Variants in CNOT10 observed in about 807,000 individuals in gnomAD.
The protein encoded by CNOT10 is CCR4-NOT transcription complex, subunit 10.
CNOT10 carries 30 observed loss-of-function variants against 94.6 expected under a neutral mutation model. The observed-to-expected ratio is 0.32, with a 90% CI of 0.24 to 0.43. The LOEUF (loss-of-function observed/expected upper bound fraction) is 0.43, where lower values mean the gene tolerates loss of function less well. CNOT10 is among the 20% of genes least tolerant of loss of function. The pLI is 1.00. For synonymous variants in CNOT10, 289 were observed against 301.6 expected (o/e 0.96, Z 0.43); for missense variants, 759 against 877.2 (o/e 0.87, Z 1.70).
At chr3:32,711,900 C>G (rs563641297) in intron 4 of CNOT10, among the ~76,000 whole-genome samples, 29 of 152,250 alleles carry the variant, frequency 1.9e-4, no homozygotes, top group African/African-American at 5.1e-4. Context: ...GATATATGAC[C>G]TTTGCACACC....
chr3:32,739,654 G>A (rs1699367598), intron 13 of CNOT10, among the ~76,000 whole-genome samples: 1 of 152,142 alleles, frequency 6.6e-6, no homozygotes, highest in Non-Finnish European at 1.5e-5. Flanking sequence ...AGGTGCAGTG[G>A]CTCATGCCTG....
At chr3:32,703,078 ATTTTTT>A (rs67920905) in intron 1 of CNOT10, among the ~76,000 whole-genome samples, 12 of 124,222 alleles carry the variant, frequency 9.7e-5, no homozygotes, top group African/African-American at 2.1e-4. Flanking sequence ...CGCCAAGCTA[ATTTTTT>A]TTTTTTTTTT....
intron 10 of CNOT10, 45 bp downstream of exon 10, chr3:32,727,915 C>A: frequency 7.9e-6 from 10 of 1,273,176 alleles, no homozygotes; most frequent in African/African-American, 1.5e-5. Flanking sequence ...CTTCTCCCCA[C>A]TTACTACATG....
rs964311771 is a variant in CNOT10, at chr3:32,685,377, C to T, written c.-84C>T. ...GCCGGGGTAGGCACAGAGTTGTCCT[C>T]GGAGGTCCAGGACAGCGGCCAGCCC... is the stretch of plus-strand genomic sequence containing the variant. On this transcript the variant is annotated 5_prime_UTR_variant, in exon 1 of 19. Coordinates refer to ENST00000328834, the MANE Select transcript of CNOT10 (RefSeq NM_015442.3). 29 of 1,485,078 alleles carry T rather than the reference C, an allele frequency of 2.0e-5. No individual in the cohort carries two copies. The highest frequency in any genetic ancestry group is 2.6e-5 in the Non-Finnish European group (28 of 1,088,416). The allele number at this position is 1,485,078 out of a possible 1,614,324, so 92.0% of individuals were successfully genotyped here.
intron 13 of CNOT10, among the ~76,000 whole-genome samples, chr3:32,752,087 G>A (rs533988858): frequency 3.6e-5 from 5 of 140,520 alleles, no homozygotes; most frequent in Admixed American, 7.1e-5. Flanking sequence ...TTGGGATTTC[G>A]GGACCAGCCT....
At chr3:32,764,650 T>C (rs1319996519) in intron 16 of CNOT10, 32 bp from the exon 17 acceptor site, 2 of 1,611,110 alleles carry the variant, frequency 1.2e-6, no homozygotes, top group Non-Finnish European at 1.7e-6. Context: ...TGGCACGGCC[T>C]CTTCACCAGT....
chr3:32,749,739 A>G (rs1699875043), intron 13 of CNOT10, among the ~76,000 whole-genome samples: 14 of 152,084 alleles, frequency 9.2e-5, no homozygotes, highest in Admixed American at 9.2e-4. Flanking sequence ...ATAGATGAGG[A>G]AAGATAAGGC....
chr3:32,708,289 T>C (rs564600368), intron 3 of CNOT10, among the ~76,000 whole-genome samples: 1 of 152,202 alleles, frequency 6.6e-6, no homozygotes, highest in South Asian at 2.1e-4. Flanking sequence ...AAAGGTCATT[T>C]TGAGTTTGTT....
chr3:32,734,948 G>A lies in CNOT10; in HGVS notation c.1486G>A (p.Glu496Lys). ...KNSNQLGGNTESSESSETCSS... is the reference protein window; with the variant it reads ...KNSNQLGGNTKSSESSETCSS... Reference sequence around the variant, plus strand: ...TAGTAATCAATTAGGTGGGAACACAGAGAGCAGCGAAAGCAGTGAAACTTG... The same window carrying A: ...TAGTAATCAATTAGGTGGGAACACAAAGAGCAGCGAAAGCAGTGAAACTTG... Residue 496 changes from glutamate (E) to lysine (K), a missense_variant, in exon 12 of 19, where the codon GAG (glutamate) becomes AAG (lysine). By Grantham distance (56) the Glu-to-Lys change is moderately conservative. Around this residue, in one of 3 missense-constraint regions of CNOT10, gnomAD observed 682 missense variants for 799.4 expected, o/e 0.85. Coordinates refer to ENST00000328834, the MANE Select transcript of CNOT10 (RefSeq NM_015442.3). 6.2e-7 allele frequency: 1 copy of A among 1,613,984 alleles called. No individual in the cohort carries two copies. Among genetic ancestry groups the A allele is most frequent in the Non-Finnish European group, 8.5e-7 (1 of 1,179,874 alleles).
At chr3:32,694,238 C>T (rs1387173993) in intron 1 of CNOT10, among the ~76,000 whole-genome samples, 1 of 150,676 alleles carries the variant, frequency 6.6e-6, no homozygotes, top group Admixed American at 6.6e-5. Context: ...AAAGTGTAGT[C>T]TTGGTAAAAT....
At chr3:32,759,266 G>A (rs547925667) in intron 13 of CNOT10, among the ~76,000 whole-genome samples, 192 bp from the exon 14 acceptor site, 1 of 152,258 alleles carries the variant, frequency 6.6e-6, no homozygotes, top group East Asian at 1.9e-4. Context: ...GATGACTTAT[G>A]TAAATAGCCA....
chr3:32,719,449 G>C (rs1698274056), intron 7 of CNOT10, among the ~76,000 whole-genome samples: 1 of 152,106 alleles, frequency 6.6e-6, no homozygotes, highest in Non-Finnish European at 1.5e-5. Flanking sequence ...CAGGATTCCA[G>C]ATGTCCTCCT....
At chr3:32,745,307 T>C (rs1699644109) in intron 13 of CNOT10, among the ~76,000 whole-genome samples, 2 of 152,078 alleles carry the variant, frequency 1.3e-5, no homozygotes, top group African/African-American at 2.4e-5. Context: ...TTTTTTATTA[T>C]TATATTTTAG....
At chr3:32,764,079 G>A (rs548154784) in intron 15 of CNOT10, 6 of 180,436 alleles carry the variant, frequency 3.3e-5, no homozygotes, top group South Asian at 1.6e-4. Flanking sequence ...GCAGTGAGTC[G>A]TGCCATTGCA....
Position 32,773,562 on chromosome 3 carries a change from C to T in CNOT10, c.2186C>T (p.Pro729Leu), listed in dbSNP as rs1326475835. The change falls in exon 19 of 19, where the codon CCG becomes CTG. Residue 729 changes from proline (P) to leucine (L), a missense_variant. By Grantham distance (98) the Pro-to-Leu change is moderately conservative (BLOSUM62 -3). Around this residue, in one of 3 missense-constraint regions of CNOT10, gnomAD observed 73 missense variants for 61.0 expected, o/e 1.20. Transcript: ENST00000328834. ...RKKPVFQPVH[P>L]IQPIQMPAFT... ...AAGCCAGTGTTTCAGCCTGTCCACCCGATCCAGCCCATCCAAATGCCGGCT... is the reference window on the plus strand; with the variant it reads ...AAGCCAGTGTTTCAGCCTGTCCACCTGATCCAGCCCATCCAAATGCCGGCT... The T allele has an allele frequency of 4.3e-6, 7 of 1,613,950 alleles. No homozygotes were observed. Among genetic ancestry groups the T allele is most frequent in the South Asian group, 2.2e-5 (2 of 91,070 alleles).
At chr3:32,761,818 G>T (rs13070832) in intron 14 of CNOT10, among the ~76,000 whole-genome samples, 61,383 of 149,118 alleles carry the variant, frequency 0.41, 15,052 homozygotes, top group Non-Finnish European at 0.53. Context: ...TATTGCCCAG[G>T]CTGGAGTGCA....
In CNOT10 at chr3:32,685,528, G is replaced by A. The variant is rs1413724233; in HGVS notation, c.22+46G>A. 4 of 1,547,802 alleles carry A rather than the reference G, an allele frequency of 2.6e-6. No individual in the cohort carries two copies. The African/African-American group carries it at 4.1e-5, about 16-fold the overall frequency. On this transcript the variant is annotated intron_variant, in intron 1 of 18. Transcript: ENST00000328834. ...GCGACGAGACGGCGGGACGTGCGGG[G>A]CCGGGCGGACCCTGAACTCGGAGGC...
intron 4 of CNOT10, among the ~76,000 whole-genome samples, chr3:32,711,976 T>A (rs1263810146): frequency 6.6e-6 from 1 of 152,198 alleles, no homozygotes; most frequent in Non-Finnish European, 1.5e-5. Flanking sequence ...TTTTCTCTTC[T>A]AGACCTTATT....
intron 13 of CNOT10, among the ~76,000 whole-genome samples, chr3:32,739,612 C>A (rs1416889087): frequency 6.8e-6 from 1 of 146,030 alleles, no homozygotes. Flanking sequence ...CATGGTGAGA[C>A]CCTGTCTCTA....
Sources: allele counts gnomAD v4.1 joint callset (sites outside exome capture counted in the v4.1 genomes callset), GRCh38; gene constraint gnomAD v4.1.1; regional missense constraint gnomAD v4.1.1; transcripts MANE v1.5; gene names NCBI Gene and HGNC (gene_info 2026-07-23, HGNC 2026-07-21).